FERMT1: variants seen among roughly 807,000 people sequenced by gnomAD.
FERMT1 encodes the protein FERM domain containing kindlin 1.
FERMT1 carries 60 observed loss-of-function variants against 85.3 expected under a neutral mutation model. The observed-to-expected ratio is 0.70, with a 90% CI of 0.57 to 0.87. The LOEUF (loss-of-function observed/expected upper bound fraction) is 0.87. Among genes scored for constraint, FERMT1 ranks in the 40% least tolerant of loss-of-function variants. The pLI is 0.00. For missense variants in FERMT1, 701 were observed against 818.9 expected (o/e 0.86, Z 1.76); for synonymous variants, 275 against 301.1 (o/e 0.91, Z 0.90).
At chr20:6,119,640 A>G (rs1179209377) in intron 1 of FERMT1, 68 bp from the exon 2 acceptor site, 2 of 1,367,134 alleles carry the variant, frequency 1.5e-6, no homozygotes, top group Non-Finnish European at 2.0e-6. Context: ...GTAGACTTGC[A>G]GAGCAAAATT....
chr20:6,109,024 T>G (rs961943910), intron 5 of FERMT1, among the ~76,000 whole-genome samples: 4 of 152,210 alleles, frequency 2.6e-5, no homozygotes, highest in South Asian at 2.1e-4. Flanking sequence ...TGCCACATTT[T>G]AATTTTAATT....
intron 14 of FERMT1, among the ~76,000 whole-genome samples, chr20:6,078,500 G>C (rs1360314697): frequency 2.6e-5 from 4 of 152,078 alleles, no homozygotes; most frequent in South Asian, 4.1e-4. Context: ...AATGAAACAG[G>C]GTCTTGCTTT....
At chr20:6,106,118 C>T (rs1466980198) in intron 6 of FERMT1, among the ~76,000 whole-genome samples, 1 of 152,062 alleles carries the variant, frequency 6.6e-6, no homozygotes, top group Non-Finnish European at 1.5e-5. Flanking sequence ...AAAAGCCAAG[C>T]CAATTGCGTA....
intron 10 of FERMT1, 128 bp downstream of exon 10, chr20:6,088,837 T>C: frequency 1.2e-6 from 1 of 820,994 alleles, no homozygotes; most frequent in Admixed American, 1.9e-5. Flanking sequence ...TTGGCCAGGC[T>C]GGTCTCGAAC....
chr20:6,076,811 T>C lies in FERMT1; in HGVS notation c.*362A>G, dbSNP rs1981836141. 1 of 369,872 alleles carries C rather than the reference T, an allele frequency of 2.7e-6. No individual in the cohort carries two copies. Among genetic ancestry groups the C allele is most frequent in the Non-Finnish European group, 5.1e-6 (1 of 194,414 alleles). The allele number at this position is 369,872 out of a possible 1,614,324, so 22.9% of individuals were successfully genotyped here. ...GATTTTTACCTTTCTGTCTTCTCCA[T>C]TGACTTAGTAATGAGACAGATCAGC... On this transcript the variant is annotated 3_prime_UTR_variant, in exon 15 of 15. Transcript: ENST00000217289.
Position 6,076,107 on chromosome 20 carries a change from A to G in FERMT1, c.*1066T>C. The G allele has an allele frequency of 5.1e-6, 1 of 197,056 alleles. No individual in the cohort carries two copies. The highest frequency in any genetic ancestry group is 1.1e-5 in the Non-Finnish European group (1 of 95,054). The allele number at this position is 197,056 out of a possible 1,614,324, so 12.2% of individuals were successfully genotyped here. On this transcript the variant is annotated 3_prime_UTR_variant, in exon 15 of 15. Transcript: ENST00000217289. ...AAAAGGCCAGGAGTCGTACCAACAT[A>G]GATACCAAATCCAGGAGAACACAGA...
chr20:6,111,329 T>C lies in FERMT1; in HGVS notation c.533-818A>G, dbSNP rs568475304. Among the ~76,000 whole-genome samples, 5 of 152,302 alleles carry C rather than the reference T, an allele frequency of 3.3e-5. No individual in the cohort carries two copies. In the East Asian group the frequency reaches 5.8e-4, roughly 18 times the overall value. ...TTGTTCTTTTCATTGGAATACACTA[T>C]GCAAGAAAGCCCTCAATCTTGGCCG... On this transcript the variant is annotated intron_variant, in intron 4 of 14. Transcript: ENST00000217289.
intron 2 of FERMT1, among the ~76,000 whole-genome samples, chr20:6,116,307 A>G (rs1321383696): frequency 1.3e-5 from 2 of 152,244 alleles, no homozygotes; most frequent in East Asian, 3.8e-4. Context: ...ATCATGGTAC[A>G]TGTATACGTA....
At chr20:6,109,279 A>G (rs1453078375) in intron 5 of FERMT1, among the ~76,000 whole-genome samples, 1 of 152,166 alleles carries the variant, frequency 6.6e-6, no homozygotes, top group Non-Finnish European at 1.5e-5. Context: ...CTTGAAGGTA[A>G]TACTTGAGCA....
intron 13 of FERMT1, among the ~76,000 whole-genome samples, chr20:6,082,015 A>G (rs1241610697): frequency 1.3e-5 from 2 of 152,100 alleles, no homozygotes; most frequent in Non-Finnish European, 2.9e-5. Flanking sequence ...GCAAGGACCT[A>G]GGTCTCTCGG....
chr20:6,090,376 A>T (rs1982322535), intron 9 of FERMT1, among the ~76,000 whole-genome samples: 1 of 152,128 alleles, frequency 6.6e-6, no homozygotes, highest in South Asian at 2.1e-4. Flanking sequence ...CCCAGCTGGG[A>T]CAATTTTTTT....
intron 14 of FERMT1, among the ~76,000 whole-genome samples, chr20:6,078,524 G>C (rs947086460): frequency 6.6e-6 from 1 of 152,126 alleles, no homozygotes; most frequent in African/African-American, 2.4e-5. Context: ...ACCCAGGCTG[G>C]AGTGCAGTGG....
intron 5 of FERMT1, among the ~76,000 whole-genome samples, chr20:6,109,293 G>C (rs1432289934): frequency 6.6e-6 from 1 of 152,184 alleles, no homozygotes; most frequent in East Asian, 1.9e-4. Context: ...TTGAGCAGGA[G>C]ACAGCATGTG....
chr20:6,084,259 A>C, intron 12 of FERMT1, 95 bp from the exon 13 acceptor site: 4 of 1,354,452 alleles, frequency 3.0e-6, no homozygotes, highest in African/African-American at 2.9e-5. Context: ...CAATACACTC[A>C]AGGTCCGTCT....
chr20:6,097,563 A>G lies in FERMT1; in HGVS notation c.918T>C (p.Asp306=), dbSNP rs1448360436. 2 of 1,613,934 alleles carry G rather than the reference A, an allele frequency of 1.2e-6. No individual in the cohort carries two copies. Among genetic ancestry groups the G allele is most frequent in the Admixed American group, 3.3e-5 (2 of 60,008 alleles). ...ARWAILLEEI[D]CTEEEMLIFA... is the part of the protein sequence containing the mutation. ...AGATCAACATTTCTTCCTCTGTGCA[A>G]TCAATTTCTTCTAAGAGAATGGCCC... The change falls in exon 7 of 15, where the codon GAT becomes GAC. Residue 306 remains aspartate (D), a synonymous_variant. Coordinates refer to ENST00000217289, the MANE Select transcript of FERMT1 (RefSeq NM_017671.5).
At chr20:6,085,573 A>G (rs1368162917) in intron 11 of FERMT1, among the ~76,000 whole-genome samples, 1 of 152,196 alleles carries the variant, frequency 6.6e-6, no homozygotes, top group Non-Finnish European at 1.5e-5. Context: ...TCCAAGGGCC[A>G]GGTGCGGTGG....
At chr20:6,081,471 G>A (rs1211049997) in intron 13 of FERMT1, among the ~76,000 whole-genome samples, 1 of 152,152 alleles carries the variant, frequency 6.6e-6, no homozygotes, top group African/African-American at 2.4e-5. Flanking sequence ...GCTGCGGAGA[G>A]GGTAGCTGGT....
At chr20:6,116,919 T>C (rs1361723142) in intron 2 of FERMT1, among the ~76,000 whole-genome samples, 1 of 152,310 alleles carries the variant, frequency 6.6e-6, no homozygotes, top group Middle Eastern at 3.4e-3. Flanking sequence ...CTTATAGAAA[T>C]GTATCCTTAT....
Position 6,079,592 on chromosome 20 carries a change from A to C in FERMT1, c.1719-15T>G, listed in dbSNP as rs1443265778. ...TTCCTTTAAATCTGAAAAGAATCAT[A>C]ATATTAGTTAAGAGAAGCAACTGCT... On this transcript the variant is annotated splice_polypyrimidine_tract_variant and intron_variant, in intron 13 of 14. Coordinates refer to ENST00000217289, the MANE Select transcript of FERMT1 (RefSeq NM_017671.5). 9 of 1,610,792 alleles carry C rather than the reference A, an allele frequency of 5.6e-6. No homozygotes were observed. The highest frequency in any genetic ancestry group is 6.8e-6 in the Non-Finnish European group (8 of 1,177,332).
Sources: gnomAD v4.1 joint callset for allele counts (sites outside exome capture counted in the v4.1 genomes callset) on GRCh38, gnomAD v4.1.1 for gene constraint, MANE v1.5 for transcripts, NCBI Gene and HGNC (gene_info 2026-07-23, HGNC 2026-07-21) for gene names.